Variants in PRKG2 observed in about 807,000 individuals in gnomAD.
The protein encoded by PRKG2 is protein kinase cGMP-dependent 2.
A neutral mutation model predicts 97.2 loss-of-function variants in PRKG2; 33 were observed. The observed-to-expected ratio is 0.34, with a 90% confidence interval of 0.26 to 0.45. PRKG2 has a LOEUF of 0.45. Among genes scored for constraint, PRKG2 ranks in the 20% least tolerant of loss-of-function variants. PRKG2 has a pLI of 1.00. For synonymous variants in PRKG2, 330 were observed against 321.8 expected (o/e 1.03, Z -0.27); for missense variants, 638 against 900.0 (o/e 0.71, Z 3.73).
At chr4:81,138,231 C>T (rs1205048559) in intron 12 of PRKG2, among the ~76,000 whole-genome samples, 2 of 152,114 alleles carry the variant, frequency 1.3e-5, no homozygotes, top group African/African-American at 2.4e-5. Context: ...GGAATGGGGG[C>T]CTCAGTTCCG....
chr4:81,167,636 A>G (rs1433632076), intron 5 of PRKG2, among the ~76,000 whole-genome samples: 1 of 152,078 alleles, frequency 6.6e-6, no homozygotes, highest in Non-Finnish European at 1.5e-5. Context: ...ATTTTTGTCT[A>G]AATCCTTATA....
intron 8 of PRKG2, 52 bp downstream of exon 8, chr4:81,151,908 A>G (rs1247485254): frequency 7.2e-7 from 1 of 1,397,174 alleles, no homozygotes; most frequent in African/African-American, 1.4e-5. Context: ...TTTTATATAA[A>G]AAATAGTCGA....
At chr4:81,197,832 G>A (rs776050706) in intron 2 of PRKG2, among the ~76,000 whole-genome samples, 3 of 152,236 alleles carry the variant, frequency 2.0e-5, no homozygotes, top group Non-Finnish European at 2.9e-5. Flanking sequence ...GGAAGCAAAC[G>A]TGGAAGAAAA....
intron 2 of PRKG2, among the ~76,000 whole-genome samples, chr4:81,190,529 A>G (rs949434880): frequency 1.3e-5 from 2 of 152,196 alleles, no homozygotes. Flanking sequence ...AGGCATGGGC[A>G]AAGACTTCAT....
intron 2 of PRKG2, among the ~76,000 whole-genome samples, chr4:81,191,448 G>A (rs1378381214): frequency 6.7e-6 from 1 of 149,622 alleles, no homozygotes; most frequent in Non-Finnish European, 1.5e-5. Flanking sequence ...TTGGGGGCTG[G>A]AGAAGGGATA....
rs1743297275 is a variant in PRKG2 at position 81,106,008 on chromosome 4, T to C, written c.1941-73A>G. On this transcript the variant is annotated intron_variant, in intron 15 of 18. Transcript: ENST00000264399. ...GATCACATTTGGAATGAATTTTCTTTCTTCCTTCTTTCCTTCCCTCCCTTC... is the reference window on the plus strand; with the variant it reads ...GATCACATTTGGAATGAATTTTCTTCCTTCCTTCTTTCCTTCCCTCCCTTC... The C allele has an allele frequency of 2.0e-6, 3 of 1,500,794 alleles. No homozygotes were observed. The African/African-American group carries it at 4.2e-5, about 21-fold the overall frequency. 93.0% of individuals were successfully genotyped at this position (1,500,794 alleles called of 1,614,324 possible). A position where few individuals can be genotyped will look rare whatever the true frequency, so the allele number is the denominator to read the frequency against.
rs1443783392 is a variant in PRKG2, at chr4:81,174,901, G to A, written c.520C>T (p.Pro174Ser). 2.5e-6 allele frequency: 4 copies of A among 1,612,718 alleles called. No individual in the cohort carries two copies. Among genetic ancestry groups the A allele is most frequent in the South Asian group, 1.1e-5 (1 of 90,946 alleles). ...TCCACCATGTCTTTGATCTGCTGAGGATCCAGTCTTTTCAGAAACTGATTT... is the reference window on the plus strand; with the variant it reads ...TCCACCATGTCTTTGATCTGCTGAGAATCCAGTCTTTTCAGAAACTGATTT... ...NKNQFLKRLDPQQIKDMVECM... is the reference protein window; with the variant it reads ...NKNQFLKRLDSQQIKDMVECM... The change falls in exon 3 of 19, where the codon CCT becomes TCT. Residue 174 changes from proline to serine, a missense_variant. By Grantham distance (74) the Pro-to-Ser change is moderately conservative. Transcript: ENST00000264399.
intron 1 of PRKG2, among the ~76,000 whole-genome samples, chr4:81,209,612 A>C (rs2110135657): frequency 6.6e-6 from 1 of 152,336 alleles, no homozygotes; most frequent in South Asian, 2.1e-4. Context: ...TAGAGGATTA[A>C]ATGAGATAAA....
chr4:81,143,735 C>A lies in PRKG2; in HGVS notation c.1253+497G>T, dbSNP rs1747529695. 2.6e-5 allele frequency among the ~76,000 whole-genome samples: 4 copies of A among 152,200 alleles called. No homozygotes were observed. The South Asian group carries it at 8.3e-4, about 32-fold the overall frequency. On this transcript the variant is annotated intron_variant, in intron 10 of 18. Coordinates refer to ENST00000264399, the MANE Select transcript of PRKG2 (RefSeq NM_006259.3). ...CATTCACTCTAAAAAAATGTTTCAG[C>A]AAACAACTTTCAAATAATTTTCATT...
At chr4:81,102,298 A>G (rs1742880022) in intron 17 of PRKG2, among the ~76,000 whole-genome samples, 1 of 152,170 alleles carries the variant, frequency 6.6e-6, no homozygotes, top group African/African-American at 2.4e-5. Context: ...AAGAAGTAAA[A>G]GCTAAGCTGG....
intron 17 of PRKG2, among the ~76,000 whole-genome samples, chr4:81,100,314 T>C (rs940585231): frequency 2.6e-5 from 4 of 152,090 alleles, no homozygotes; most frequent in African/African-American, 4.8e-5. Flanking sequence ...CTTCAAACTA[T>C]ACTACAAGGC....
chr4:81,126,541 A>T (rs1039457971), intron 14 of PRKG2, among the ~76,000 whole-genome samples: 1 of 152,096 alleles, frequency 6.6e-6, no homozygotes, highest in African/African-American at 2.4e-5. Context: ...ATCATCTGTT[A>T]TTTCCAGACT....
At chr4:81,211,238 A>G (rs564016754) in intron 1 of PRKG2, among the ~76,000 whole-genome samples, 8 of 152,328 alleles carry the variant, frequency 5.3e-5, no homozygotes, top group Middle Eastern at 3.4e-3. Flanking sequence ...TAACACATGT[A>G]CCATACTGAT....
At chr4:81,173,893 C>A (rs1750699679) in intron 3 of PRKG2, 1 of 151,982 alleles carries the variant, frequency 6.6e-6, no homozygotes, top group Non-Finnish European at 1.5e-5. Flanking sequence ...ACAACATCAA[C>A]AAATAGAAAG....
chr4:81,119,440 G>A (rs1744861843), intron 14 of PRKG2, among the ~76,000 whole-genome samples: 1 of 151,994 alleles, frequency 6.6e-6, no homozygotes. Flanking sequence ...ATCTATTTCT[G>A]GGCTCTATAT....
At chr4:81,213,158 G>A (rs1349621063) in intron 1 of PRKG2, among the ~76,000 whole-genome samples, 1 of 152,098 alleles carries the variant, frequency 6.6e-6, no homozygotes, top group Non-Finnish European at 1.5e-5. Flanking sequence ...ATGCTTGTGG[G>A]TCATCATGAT....
chr4:81,121,823 T>C (rs1745098854), intron 14 of PRKG2, among the ~76,000 whole-genome samples: 1 of 152,212 alleles, frequency 6.6e-6, no homozygotes, highest in Non-Finnish European at 1.5e-5. Flanking sequence ...CTAAGCAACA[T>C]GCTAAGTTCA....
At chr4:81,111,814 ATT>A (rs1744021683) in intron 14 of PRKG2, among the ~76,000 whole-genome samples, 1 of 152,180 alleles carries the variant, frequency 6.6e-6, no homozygotes, top group South Asian at 2.1e-4. Context: ...TCACAGGGGT[ATT>A]TAGCAAATAC....
intron 9 of PRKG2, among the ~76,000 whole-genome samples, chr4:81,147,808 T>A (rs1281006171): frequency 6.6e-6 from 1 of 152,150 alleles, no homozygotes; most frequent in Non-Finnish European, 1.5e-5. Flanking sequence ...TGTTAACATT[T>A]CAGGCATGTT....
Sources: gnomAD v4.1 joint callset for allele counts (sites outside exome capture counted in the v4.1 genomes callset) on GRCh38, gnomAD v4.1.1 for gene constraint, MANE v1.5 for transcripts, NCBI Gene and HGNC (gene_info 2026-07-23, HGNC 2026-07-21) for gene names.